The following SYT17 variants were observed in gnomAD, a reference collection of about 807,000 sequenced individuals.
SYT17 encodes synaptotagmin 17, also known as synaptotagmin-17.
SYT17 carries 22 observed loss-of-function variants against 46.7 expected under a neutral mutation model. The ratio of observed to expected loss-of-function variants is 0.47; its 90% CI spans 0.34 to 0.67. The LOEUF is 0.67. SYT17 is among the 30% of genes least tolerant of loss of function. The pLI, the probability that SYT17 is intolerant of heterozygous loss-of-function variation, is 0.01. For missense variants in SYT17, 519 were observed against 612.8 expected (o/e 0.85, Z 1.62); for synonymous variants, 251 against 248.4 (o/e 1.01, Z -0.10).
chr16:19,192,634 G>C (rs1965071450), intron 5 of SYT17, among the ~76,000 whole-genome samples: 1 of 152,186 alleles, frequency 6.6e-6, no homozygotes, highest in African/African-American at 2.4e-5. Flanking sequence ...GTGCCAGTTA[G>C]GAAAAATTGC....
chr16:19,211,787 G>A (rs1251751987), intron 5 of SYT17, among the ~76,000 whole-genome samples: 16 of 151,970 alleles, frequency 1.1e-4, no homozygotes, highest in Admixed American at 4.6e-4. Context: ...CACCAAGCCC[G>A]GCTAATATTT....
intron 5 of SYT17, among the ~76,000 whole-genome samples, 181 bp from the exon 6 acceptor site, chr16:19,222,860 CAGAG>C (rs1240177945): frequency 2.0e-5 from 3 of 152,070 alleles, no homozygotes; most frequent in African/African-American, 7.2e-5. Flanking sequence ...GGAAAAAACT[CAGAG>C]ATAGATGGAC....
At position 19,267,667 on chromosome 16, in the gene SYT17, A is replaced by C. The variant is rs1418525877; in HGVS notation, c.*591A>C. ...ATTTGGAGAAACCAAATGGCAACCAAAACTATTCCAGTGTCAGAAGCCTTT... is the reference window on the plus strand; with the variant it reads ...ATTTGGAGAAACCAAATGGCAACCACAACTATTCCAGTGTCAGAAGCCTTT... On this transcript the variant is annotated 3_prime_UTR_variant, in exon 8 of 8. Coordinates refer to ENST00000355377, the MANE Select transcript of SYT17 (RefSeq NM_016524.4). 1.3e-5 allele frequency: 2 copies of C among 152,254 alleles called. No homozygotes were observed. The highest frequency in any genetic ancestry group is 2.9e-5 in the Non-Finnish European group (2 of 68,058). 9.4% of individuals were successfully genotyped at this position (152,254 alleles called of 1,614,324 possible). A position where few individuals can be genotyped will look rare whatever the true frequency, so the allele number is the denominator to read the frequency against.
chr16:19,248,238 A>G (rs533651469), intron 7 of SYT17, among the ~76,000 whole-genome samples: 5 of 152,326 alleles, frequency 3.3e-5, no homozygotes, highest in South Asian at 2.1e-4. Context: ...TGGTGAGAAT[A>G]TGAAGCAACT....
At position 19,183,728 on chromosome 16, in the gene SYT17, G is replaced by A. The variant is rs1964654024; in HGVS notation, c.532G>A (p.Glu178Lys). 1 of 1,614,196 alleles carries A rather than the reference G, an allele frequency of 6.2e-7. No homozygotes were observed. ...SDDVDSLTDE[E>K]ILSKYQLGML... ...CGATGTGGACTCTCTGACAGACGAG[G>A]AGATCCTGTCCAAGTACCAGCTGGG... Residue 178 changes from glutamate (E) to lysine (K), a missense_variant, in exon 5 of 8, where the codon GAG becomes AAG. Physicochemically the swap from Glu to Lys is moderately conservative, Grantham distance 56. Transcript: ENST00000355377. This position sits in a 1 kb window ranked among gnomAD's most constrained non-coding sequence, Gnocchi z 5.6.
chr16:19,250,444 C>T (rs1967975709), intron 7 of SYT17, among the ~76,000 whole-genome samples: 1 of 150,734 alleles, frequency 6.6e-6, no homozygotes, highest in South Asian at 2.1e-4. Context: ...GGCTGGAGTG[C>T]AGTGGTGCCA....
At chr16:19,172,926 G>A (rs749393552) in intron 2 of SYT17, 149 bp downstream of exon 2, 29 of 994,530 alleles carry the variant, frequency 2.9e-5, no homozygotes, top group Admixed American at 6.0e-5. Context: ...CCTTTCTACC[G>A]AAAGGAGATC....
intron 5 of SYT17, among the ~76,000 whole-genome samples, chr16:19,195,775 G>A (rs1965215425): frequency 6.6e-6 from 1 of 151,990 alleles, no homozygotes; most frequent in African/African-American, 2.4e-5. Flanking sequence ...TGTGAGTCAG[G>A]AGTTCAAGAC....
chr16:19,264,260 A>T (rs1290473552), intron 7 of SYT17, among the ~76,000 whole-genome samples: 3 of 152,200 alleles, frequency 2.0e-5, no homozygotes, highest in African/African-American at 4.8e-5. Context: ...GGACTAAGAC[A>T]TCAACTCTGC....
rs531001581 is a variant in SYT17 at position 19,241,245 on chromosome 16, C to T, written c.1228+16407C>T. On this transcript the variant is annotated intron_variant, in intron 7 of 7. Coordinates refer to ENST00000355377, the MANE Select transcript of SYT17 (RefSeq NM_016524.4). ...TACAGGCGTGAGCCACCGCGCCCGG[C>T]CCCCTAGGCTCAGTTCTGACTTTGC... Among the ~76,000 whole-genome samples the T allele has an allele frequency of 7.2e-4, 110 of 152,132 alleles. No homozygotes were observed. The South Asian group carries it at 0.015, about 21-fold the overall frequency.
chr16:19,208,109 C>T (rs1280018836), intron 5 of SYT17, among the ~76,000 whole-genome samples: 1 of 152,132 alleles, frequency 6.6e-6, no homozygotes, highest in Non-Finnish European at 1.5e-5. Flanking sequence ...AAGAGGGATG[C>T]ATCCTACCAC....
At chr16:19,202,262 G>A (rs1003703672) in intron 5 of SYT17, among the ~76,000 whole-genome samples, 4 of 152,110 alleles carry the variant, frequency 2.6e-5, no homozygotes, top group Admixed American at 6.5e-5. Context: ...GAGTTCCCAC[G>A]ACCCCCTCCT....
rs1031761686 is a variant in SYT17 at position 19,168,709 on chromosome 16, C to G, written c.15+48C>G. ...GGTCCGGGGTGCGGGTAGGGGGTGC[C>G]GCGCCCCCTCCGGCTGGGAGCGCGC... On this transcript the variant is annotated intron_variant, in intron 1 of 7. Transcript: ENST00000355377. This position sits in a 1 kb window ranked among gnomAD's most constrained non-coding sequence, Gnocchi z 6.9. 1.0e-5 allele frequency: 15 copies of G among 1,434,570 alleles called. No individual in the cohort carries two copies. In the African/African-American group the frequency reaches 2.1e-4, roughly 20 times the overall value. 88.9% of individuals were successfully genotyped at this position (1,434,570 alleles called of 1,614,324 possible).
chr16:19,249,370 C>T (rs1217655657), intron 7 of SYT17, among the ~76,000 whole-genome samples: 1 of 152,108 alleles, frequency 6.6e-6, no homozygotes. Flanking sequence ...GTCCAGCCAA[C>T]TTGAGCCAGG....
At chr16:19,240,963 T>C (rs1394516723) in intron 7 of SYT17, among the ~76,000 whole-genome samples, 1 of 146,392 alleles carries the variant, frequency 6.8e-6, no homozygotes, top group East Asian at 2.0e-4. Context: ...TTTTTTTTTT[T>C]TTGAGACGGA....
In SYT17 at chr16:19,267,096, T is replaced by A; in HGVS notation, c.*20T>A. ...ACCTGAGGGCTGCAGGGAAGGCAGC[T>A]TTCATTTGTTTAAAAAAAAAAAAAA... On this transcript the variant is annotated 3_prime_UTR_variant, in exon 8 of 8. Coordinates refer to ENST00000355377, the MANE Select transcript of SYT17 (RefSeq NM_016524.4). 6.8e-7 allele frequency: 1 copy of A among 1,460,228 alleles called. No individual in the cohort carries two copies. Among genetic ancestry groups the A allele is most frequent in the Non-Finnish European group, 9.0e-7 (1 of 1,111,994 alleles). The allele number at this position is 1,460,228 out of a possible 1,614,324, so 90.5% of individuals were successfully genotyped here. A position where few individuals can be genotyped will look rare whatever the true frequency, so the allele number is the denominator to read the frequency against.
chr16:19,246,655 G>GT (rs1340773553), intron 7 of SYT17, among the ~76,000 whole-genome samples: 1 of 152,184 alleles, frequency 6.6e-6, no homozygotes, highest in Non-Finnish European at 1.5e-5. Flanking sequence ...GCACATCTGG[G>GT]TATGTGTATG....
At chr16:19,194,189 G>A (rs1965141281) in intron 5 of SYT17, among the ~76,000 whole-genome samples, 1 of 152,164 alleles carries the variant, frequency 6.6e-6, no homozygotes, top group African/African-American at 2.4e-5. Context: ...TTCTTATAGA[G>A]GTGCCCAATC....
At chr16:19,265,305 C>T (rs909938869) in intron 7 of SYT17, among the ~76,000 whole-genome samples, 10 of 152,200 alleles carry the variant, frequency 6.6e-5, no homozygotes, top group African/African-American at 2.4e-4. Flanking sequence ...GCATACTGAG[C>T]ATGTTACCAA....
Sources: gnomAD v4.1 joint callset for allele counts (sites outside exome capture counted in the v4.1 genomes callset) on GRCh38, gnomAD v4.1.1 for gene constraint, Gnocchi (gnomAD v3.1) non-coding constraint, MANE v1.5 for transcripts, NCBI Gene and HGNC (gene_info 2026-07-23, HGNC 2026-07-21) for gene names.